Variants in CTNNA3 observed in about 807,000 individuals in gnomAD.
CTNNA3 encodes catenin alpha-3.
CTNNA3 carries 76 observed loss-of-function variants against 95.7 expected under a neutral mutation model. The ratio of observed to expected loss-of-function variants is 0.79; its 90% CI spans 0.66 to 0.96. The LOEUF (loss-of-function observed/expected upper bound fraction) is 0.96. Ranked by LOEUF, CTNNA3 falls within the 40% of genes least tolerant of loss-of-function variation. The probability of loss-of-function intolerance (pLI) is 0.00; values close to 1 mark genes in which losing one functional copy is unlikely to be tolerated. For synonymous variants in CTNNA3, 431 were observed against 374.4 expected, an observed-to-expected ratio of 1.15 and a Z score of -1.74; for missense variants, 1,191 against 1,089.8, an observed-to-expected ratio of 1.09 and a Z score of -1.31.
At chr10:66,313,584 C>G (rs1368247239) in intron 12 of CTNNA3, among the ~76,000 whole-genome samples, 1 of 152,206 alleles carries the variant, frequency 6.6e-6, no homozygotes, top group Non-Finnish European at 1.5e-5. Flanking sequence ...GTCATCCACT[C>G]TGAGAGGCCT....
intron 7 of CTNNA3, among the ~76,000 whole-genome samples, chr10:66,994,414 AGT>A (rs1851214827): frequency 1.3e-5 from 2 of 152,220 alleles, no homozygotes; most frequent in Admixed American, 1.3e-4. Flanking sequence ...AATGAAGCTC[AGT>A]GTGAGTCTCT....
intron 13 of CTNNA3, among the ~76,000 whole-genome samples, chr10:66,239,158 C>G (rs1233494254): frequency 6.6e-6 from 1 of 151,540 alleles, no homozygotes; most frequent in Non-Finnish European, 1.5e-5. Context: ...ATCAATTAAT[C>G]AATTAATTAC....
intron 13 of CTNNA3, among the ~76,000 whole-genome samples, chr10:66,141,674 T>C (rs112224823): frequency 1.8e-3 from 276 of 151,880 alleles, no homozygotes; most frequent in African/African-American, 6.2e-3. Flanking sequence ...CTCCAGTGAA[T>C]TGATTTTATA....
At position 67,340,258 on chromosome 10, in the gene CTNNA3, A is replaced by AT. The variant is rs549514701; in HGVS notation, c.580-120389_580-120388insA. Among the ~76,000 whole-genome samples, 19 of 152,358 alleles carry AT rather than the reference A, an allele frequency of 1.2e-4. No individual in the cohort carries two copies. In the East Asian group the frequency reaches 3.7e-3, roughly 29 times the overall value. On this transcript the variant is annotated intron_variant, in intron 5 of 17. Transcript: ENST00000433211. The stretch of plus-strand genomic sequence containing the variant: ...ATTTCATTTAAAATTATGTTTAAAT[A>AT]ATATTACCAGAATATTCCAAAATAA...
intron 10 of CTNNA3, among the ~76,000 whole-genome samples, chr10:66,580,132 G>C (rs990174770): frequency 5.9e-5 from 9 of 151,426 alleles, no homozygotes; most frequent in Non-Finnish European, 1.5e-5. Flanking sequence ...TTCAGCTATT[G>C]AGCCCATATG....
chr10:67,750,782 T>A (rs1841402786), intron 1 of CTNNA3: 1 of 1,606,682 alleles, frequency 6.2e-7, no homozygotes, highest in Admixed American at 1.7e-5. Flanking sequence ...CACTTCCAGA[T>A]AGAGAGGCTC....
intron 15 of CTNNA3, among the ~76,000 whole-genome samples, chr10:66,063,382 G>A (rs1014921451): frequency 6.7e-6 from 1 of 149,802 alleles, no homozygotes; most frequent in African/African-American, 2.4e-5. Flanking sequence ...CTCTATCAAA[G>A]TTGTCACTCC....
At chr10:67,524,512 T>C (rs777381497) in intron 4 of CTNNA3, among the ~76,000 whole-genome samples, 72 of 151,214 alleles carry the variant, frequency 4.8e-4, no homozygotes, top group Middle Eastern at 3.4e-3. Context: ...TAACAATACA[T>C]GATCACAAGA....
intron 5 of CTNNA3, among the ~76,000 whole-genome samples, chr10:67,514,455 A>G (rs1164491297): frequency 6.6e-6 from 1 of 152,174 alleles, no homozygotes; most frequent in Non-Finnish European, 1.5e-5. Flanking sequence ...CCTTCTTTTC[A>G]TGCACAGATC....
At chr10:66,880,011 G>A (rs1026617015) in intron 7 of CTNNA3, among the ~76,000 whole-genome samples, 1 of 152,056 alleles carries the variant, frequency 6.6e-6, no homozygotes, top group African/African-American at 2.4e-5. Flanking sequence ...ATATAAACCA[G>A]TGTTTAAAGA....
At chr10:66,861,833 G>A (rs1843939501) in intron 7 of CTNNA3, among the ~76,000 whole-genome samples, 1 of 152,044 alleles carries the variant, frequency 6.6e-6, no homozygotes, top group Non-Finnish European at 1.5e-5. Flanking sequence ...TATCTTACTT[G>A]TTTCTTTAAT....
chr10:67,013,940 G>T (rs1278683277), intron 7 of CTNNA3, among the ~76,000 whole-genome samples: 1 of 152,030 alleles, frequency 6.6e-6, no homozygotes, highest in Non-Finnish European at 1.5e-5. Context: ...GAGCCCCAAG[G>T]TCTAAAAACC....
At chr10:67,088,883 A>G (rs1857458638) in intron 7 of CTNNA3, among the ~76,000 whole-genome samples, 2 of 152,082 alleles carry the variant, frequency 1.3e-5, no homozygotes, top group Non-Finnish European at 2.9e-5. Flanking sequence ...CCATAAACTC[A>G]ACTAACTGCA....
At position 66,883,983 on chromosome 10, in the gene CTNNA3, A is replaced by G. The variant is rs182238652; in HGVS notation, c.1048-108459T>C. 3.5e-3 allele frequency among the ~76,000 whole-genome samples: 539 copies of G among 152,214 alleles called. 1 individual carries two copies. The highest frequency in any genetic ancestry group is 0.012 in the African/African-American group (514 of 41,544). On this transcript the variant is annotated intron_variant, in intron 7 of 17. Coordinates refer to ENST00000433211, the MANE Select transcript of CTNNA3 (RefSeq NM_013266.4). ...TGAAAGTTCAAGACTGGGCATCTGC[A>G]TCTGGTGAAGGCCTCAGGTTGCTTC...
At chr10:66,188,111 G>C (rs1384882211) in intron 13 of CTNNA3, among the ~76,000 whole-genome samples, 8 of 152,026 alleles carry the variant, frequency 5.3e-5, no homozygotes, top group African/African-American at 1.9e-4. Flanking sequence ...AACTAGAGGT[G>C]CCCCAAACCA....
At chr10:65,965,719 T>A (rs749100360) in intron 17 of CTNNA3, among the ~76,000 whole-genome samples, 14 of 152,054 alleles carry the variant, frequency 9.2e-5, no homozygotes, top group African/African-American at 3.1e-4. Flanking sequence ...TTGATGGTGA[T>A]CCTTTGTTTG....
intron 5 of CTNNA3, among the ~76,000 whole-genome samples, chr10:67,461,435 A>G (rs1847373530): frequency 6.6e-6 from 1 of 152,162 alleles, no homozygotes; most frequent in Non-Finnish European, 1.5e-5. Context: ...GTCTATGAAA[A>G]GGAACCACAG....
intron 12 of CTNNA3, among the ~76,000 whole-genome samples, chr10:66,303,494 GT>G (rs1488825555): frequency 1.4e-5 from 2 of 141,990 alleles, no homozygotes; most frequent in Non-Finnish European, 3.1e-5. Flanking sequence ...ATCATTATGG[GT>G]AAAAAAACTT....
At chr10:66,087,496 T>C (rs1327933887) in intron 14 of CTNNA3, among the ~76,000 whole-genome samples, 1 of 152,066 alleles carries the variant, frequency 6.6e-6, no homozygotes, top group Non-Finnish European at 1.5e-5. Flanking sequence ...CAACAAAGAA[T>C]TGTCTGGTCC....
Sources: allele counts gnomAD v4.1 joint callset (sites outside exome capture counted in the v4.1 genomes callset), GRCh38; gene constraint gnomAD v4.1.1; transcripts MANE v1.5; gene names NCBI Gene and HGNC (gene_info 2026-07-23, HGNC 2026-07-21).